SPOCK3: variants seen among roughly 807,000 people sequenced by gnomAD.
SPOCK3 encodes SPARC (osteonectin), cwcv and kazal like domains proteoglycan 3.
In SPOCK3, 30 loss-of-function variants were observed where a neutral mutation model predicts 56.6. The observed-to-expected ratio is 0.53, with a 90% CI of 0.40 to 0.72. SPOCK3 has a LOEUF of 0.72. SPOCK3 is among the 30% of genes least tolerant of loss of function. SPOCK3 has a pLI of 0.00. For synonymous variants in SPOCK3, 196 were observed against 183.3 expected, an observed-to-expected ratio of 1.07 and a Z score of -0.56; for missense variants, 527 against 530.0, an observed-to-expected ratio of 0.99 and a Z score of 0.06.
intron 2 of SPOCK3, among the ~76,000 whole-genome samples, chr4:167,150,401 T>C (rs1764317428): frequency 6.6e-6 from 1 of 152,048 alleles, no homozygotes; most frequent in African/African-American, 2.4e-5. Flanking sequence ...AAAGAACAGA[T>C]GTAGATTTTC....
chr4:166,887,541 AGGAAACCACAAGTAGCTTTTTGATTATCT>A (rs1261791986), intron 6 of SPOCK3, among the ~76,000 whole-genome samples: 2 of 152,134 alleles, frequency 1.3e-5, no homozygotes, highest in African/African-American at 4.8e-5. Context: ...TTCAGTTAAA[AGGAAACCACAAGTAGCTTTTTGATTATCT>A]GGGGGCTAAT....
chr4:167,115,783 G>T (rs537140092), intron 2 of SPOCK3, among the ~76,000 whole-genome samples: 1 of 151,988 alleles, frequency 6.6e-6, no homozygotes, highest in South Asian at 2.1e-4. Context: ...CAGAAGACAG[G>T]GGAAAGTTGT....
chr4:166,873,605 A>C (rs1229681983), intron 6 of SPOCK3, among the ~76,000 whole-genome samples: 1 of 152,192 alleles, frequency 6.6e-6, no homozygotes, highest in Admixed American at 6.6e-5. Flanking sequence ...GAAAGTTTTC[A>C]TTTCAAATAC....
At chr4:166,805,241 C>A (rs1743034419) in intron 6 of SPOCK3, among the ~76,000 whole-genome samples, 1 of 151,884 alleles carries the variant, frequency 6.6e-6, no homozygotes, top group Non-Finnish European at 1.5e-5. Flanking sequence ...GGATGGATGG[C>A]TGAATAAAAC....
At chr4:166,817,972 G>T (rs114144435) in intron 6 of SPOCK3, among the ~76,000 whole-genome samples, 29 of 151,848 alleles carry the variant, frequency 1.9e-4, no homozygotes, top group Non-Finnish European at 4.0e-4. Context: ...ATCAGTAACC[G>T]TATGACTTAG....
At chr4:167,188,180 C>A (rs1289524129) in intron 2 of SPOCK3, among the ~76,000 whole-genome samples, 1 of 146,068 alleles carries the variant, frequency 6.8e-6, no homozygotes, top group Non-Finnish European at 1.5e-5. Context: ...AGCAATCAAA[C>A]CCGAACTCAG....
rs570346325 is a variant in SPOCK3 at position 166,919,856 on chromosome 4, A to T, written c.351-7113T>A. On this transcript the variant is annotated intron_variant, in intron 4 of 10. Transcript: ENST00000357545. ...TTATCATCATTGAAAGAAGTGTTAG[A>T]AAGTTATTTTTTCTTTTAAATCAGT... Among the ~76,000 whole-genome samples, 4 of 152,280 alleles carry T rather than the reference A, an allele frequency of 2.6e-5. No homozygotes were observed. In the South Asian group the frequency reaches 8.3e-4, roughly 32 times the overall value.
intron 2 of SPOCK3, among the ~76,000 whole-genome samples, chr4:167,142,642 G>A (rs551159922): frequency 5.9e-5 from 9 of 151,910 alleles, no homozygotes; most frequent in South Asian, 2.1e-4. Flanking sequence ...ATTGAAAACC[G>A]AACTAAAGTT....
At chr4:167,224,783 CCGAGTAG>C (rs370573629) in intron 2 of SPOCK3, among the ~76,000 whole-genome samples, 4,823 of 152,098 alleles carry the variant, frequency 0.032, 114 homozygotes, top group Middle Eastern at 0.078. Flanking sequence ...CCTCAGCCTC[CCGAGTAG>C]CGAGTAGCTG....
chr4:166,958,085 G>C (rs1743706657), intron 4 of SPOCK3, among the ~76,000 whole-genome samples: 1 of 152,144 alleles, frequency 6.6e-6, no homozygotes, highest in African/African-American at 2.4e-5. Context: ...CCTATGCTAG[G>C]GGGAGAGCCT....
chr4:166,854,066 T>C (rs1319774596), intron 6 of SPOCK3, among the ~76,000 whole-genome samples: 4 of 152,174 alleles, frequency 2.6e-5, no homozygotes, highest in South Asian at 2.1e-4. Flanking sequence ...CAACTTCACA[T>C]AGCTCAACTC....
At chr4:166,843,912 G>A (rs1296268584) in intron 6 of SPOCK3, among the ~76,000 whole-genome samples, 1 of 152,156 alleles carries the variant, frequency 6.6e-6, no homozygotes, top group Non-Finnish European at 1.5e-5. Flanking sequence ...AGAAAAGGCT[G>A]AGCTAGTTTC....
chr4:166,949,238 AT>A (rs1286840588), intron 4 of SPOCK3, among the ~76,000 whole-genome samples: 2 of 152,172 alleles, frequency 1.3e-5, no homozygotes, highest in African/African-American at 4.8e-5. Flanking sequence ...CTAGTTATAC[AT>A]TCGTCTAAAT....
intron 4 of SPOCK3, among the ~76,000 whole-genome samples, chr4:166,953,610 A>T (rs1257172638): frequency 6.6e-6 from 1 of 152,186 alleles, no homozygotes; most frequent in Non-Finnish European, 1.5e-5. Flanking sequence ...ACTATAAATC[A>T]TGCTGCTATG....
At chr4:166,864,150 T>C (rs1193631155) in intron 6 of SPOCK3, among the ~76,000 whole-genome samples, 2 of 152,114 alleles carry the variant, frequency 1.3e-5, no homozygotes, top group Non-Finnish European at 2.9e-5. Flanking sequence ...CACAACTACA[T>C]GGAAATTGAA....
At chr4:166,934,455 G>A (rs35568971) in intron 4 of SPOCK3, among the ~76,000 whole-genome samples, 3,618 of 151,950 alleles carry the variant, frequency 0.024, 77 homozygotes, top group Middle Eastern at 0.062. Context: ...CCGAGATCGC[G>A]CCACTGCGCT....
intron 3 of SPOCK3, among the ~76,000 whole-genome samples, chr4:167,060,146 T>TAAA (rs1755429922): frequency 1.3e-5 from 2 of 151,160 alleles, no homozygotes; most frequent in Non-Finnish European, 2.9e-5. Flanking sequence ...AAACTTAAAG[T>TAAA]ATAATAATAA....
At chr4:167,121,423 T>C (rs768828183) in intron 2 of SPOCK3, among the ~76,000 whole-genome samples, 1 of 151,870 alleles carries the variant, frequency 6.6e-6, no homozygotes, top group Non-Finnish European at 1.5e-5. Flanking sequence ...AGATGAGAGA[T>C]GTCAGAATCC....
intron 2 of SPOCK3, among the ~76,000 whole-genome samples, chr4:167,067,407 A>G (rs1756264480): frequency 6.6e-6 from 1 of 151,850 alleles, no homozygotes; most frequent in South Asian, 2.1e-4. Flanking sequence ...CACAGAGGAT[A>G]ATGCTTTTGA....
Sources: allele counts gnomAD v4.1 joint callset (sites outside exome capture counted in the v4.1 genomes callset), GRCh38; gene constraint gnomAD v4.1.1; transcripts MANE v1.5; gene names NCBI Gene and HGNC (gene_info 2026-07-23, HGNC 2026-07-21).